MED13L: variants seen among roughly 807,000 people sequenced by gnomAD.
MED13L encodes mediator complex subunit 13L.
MED13L carries 7 observed loss-of-function variants against 220.9 expected under a neutral mutation model. That is an observed-to-expected ratio of 0.03 (90% CI 0.02 to 0.06). The LOEUF (loss-of-function observed/expected upper bound fraction) is 0.06. MED13L is among the 10% of genes least tolerant of loss of function. MED13L has a pLI of 1.00. For synonymous variants in MED13L, 1,011 were observed against 1,015.2 expected, an observed-to-expected ratio of 1.00 and a Z score of 0.08; for missense variants, 1,965 against 2,760.5, an observed-to-expected ratio of 0.71 and a Z score of 6.46.
intron 1 of MED13L, among the ~76,000 whole-genome samples, chr12:116,251,382 G>A (rs1251019596): frequency 8.0e-6 from 1 of 124,678 alleles, no homozygotes; most frequent in Non-Finnish European, 1.6e-5. Context: ...CGATGGTCTC[G>A]ATCTCCTGAC....
intron 2 of MED13L, among the ~76,000 whole-genome samples, chr12:116,222,990 AAGAT>A (rs1373999652): frequency 6.6e-6 from 1 of 152,280 alleles, no homozygotes; most frequent in East Asian, 1.9e-4. Flanking sequence ...TCCAGAGTGA[AAGAT>A]AGAAAGCTCA....
chr12:116,055,727 T>C (rs1391525619), intron 4 of MED13L, among the ~76,000 whole-genome samples: 4 of 152,124 alleles, frequency 2.6e-5, no homozygotes, highest in Admixed American at 2.6e-4. Context: ...AAACCCTGTC[T>C]CTACAAAACT....
At chr12:116,011,621 T>G (rs936869594) in intron 9 of MED13L, among the ~76,000 whole-genome samples, 1 of 152,188 alleles carries the variant, frequency 6.6e-6, no homozygotes, top group Non-Finnish European at 1.5e-5. Context: ...TGTCACACAA[T>G]TCACAAGAGC....
chr12:116,196,640 C>G (rs540132793), intron 2 of MED13L, among the ~76,000 whole-genome samples: 63 of 152,254 alleles, frequency 4.1e-4, no homozygotes, highest in Middle Eastern at 6.8e-3. Context: ...ACAATTTATT[C>G]AATCAGAAGT....
Position 116,244,547 on chromosome 12 carries a change from C to T in MED13L, c.73-6842G>A, listed in dbSNP as rs185728812. Among the ~76,000 whole-genome samples, 384 of 152,232 alleles carry T rather than the reference C, an allele frequency of 2.5e-3. 2 individuals carry two copies. The highest frequency in any genetic ancestry group is 8.7e-3 in the African/African-American group (360 of 41,524). On this transcript the variant is annotated intron_variant, in intron 1 of 30. Transcript: ENST00000281928. ...CTAAACATGAAGAAAGAGATACAAC[C>T]CAATTGACACAGAATCCCCTCAGCC...
intron 4 of MED13L, among the ~76,000 whole-genome samples, chr12:116,046,182 T>C (rs1333029320): frequency 2.0e-5 from 3 of 152,214 alleles, no homozygotes; most frequent in Non-Finnish European, 4.4e-5. Context: ...CTGATATTTG[T>C]GAAACTGGAG....
chr12:116,099,908 C>A (rs374345814), intron 3 of MED13L, among the ~76,000 whole-genome samples: 1 of 152,176 alleles, frequency 6.6e-6, no homozygotes, highest in African/African-American at 2.4e-5. Flanking sequence ...CACAAAACAG[C>A]CATGGAAAAT....
chr12:116,124,191 AGACT>A (rs1220031636), intron 2 of MED13L, among the ~76,000 whole-genome samples: 1 of 152,066 alleles, frequency 6.6e-6, no homozygotes, highest in African/African-American at 2.4e-5. Context: ...AGAGAGACAG[AGACT>A]GACTGACTAC....
At chr12:116,040,665 C>G (rs1033630770) in intron 4 of MED13L, among the ~76,000 whole-genome samples, 7 of 152,064 alleles carry the variant, frequency 4.6e-5, no homozygotes, top group Non-Finnish European at 7.4e-5. Flanking sequence ...GAACTGGAAA[C>G]TACTCAAACT....
At chr12:116,245,744 A>G (rs970420111) in intron 1 of MED13L, among the ~76,000 whole-genome samples, 10 of 123,444 alleles carry the variant, frequency 8.1e-5, no homozygotes, top group Non-Finnish European at 1.4e-4. Flanking sequence ...AAACAAATAA[A>G]CAAAAATGGA....
chr12:116,204,030 A>C (rs1347449840), intron 2 of MED13L, among the ~76,000 whole-genome samples: 1 of 152,218 alleles, frequency 6.6e-6, no homozygotes, highest in Non-Finnish European at 1.5e-5. Flanking sequence ...TGGGACTTTC[A>C]GAAGGCTTCA....
intron 2 of MED13L, among the ~76,000 whole-genome samples, chr12:116,159,875 G>A (rs1206369999): frequency 6.6e-6 from 1 of 150,460 alleles, no homozygotes; most frequent in Non-Finnish European, 1.5e-5. Context: ...GCCACATCCT[G>A]CTATTTCAAA....
chr12:116,048,367 T>A (rs936755665), intron 4 of MED13L, among the ~76,000 whole-genome samples: 2 of 151,956 alleles, frequency 1.3e-5, no homozygotes, highest in African/African-American at 4.8e-5. Flanking sequence ...ACTGCACCTA[T>A]CAGAGCCTGT....
chr12:116,014,960 T>A, intron 8 of MED13L, 149 bp downstream of exon 8: 1 of 790,244 alleles, frequency 1.3e-6, no homozygotes, highest in Non-Finnish European at 2.1e-6. Context: ...TTATTTCAAA[T>A]TTTATTCTAT....
chr12:116,249,196 A>C (rs1871310846), intron 1 of MED13L, among the ~76,000 whole-genome samples: 1 of 152,238 alleles, frequency 6.6e-6, no homozygotes, highest in South Asian at 2.1e-4. Context: ...GCCAGAGAGA[A>C]AAAACACTGT....
intron 2 of MED13L, among the ~76,000 whole-genome samples, chr12:116,189,647 C>G (rs1881137007): frequency 6.6e-6 from 1 of 152,086 alleles, no homozygotes; most frequent in African/African-American, 2.4e-5. Context: ...TTTGAATAAA[C>G]TTTTGCATAA....
intron 14 of MED13L, among the ~76,000 whole-genome samples, chr12:116,001,208 G>GT (rs1878719981): frequency 6.6e-6 from 1 of 152,044 alleles, no homozygotes; most frequent in Admixed American, 6.6e-5. Context: ...TTTTGTTTCT[G>GT]TTTTTTGAGA....
chr12:115,985,372 T>C (rs1449206408), intron 19 of MED13L, among the ~76,000 whole-genome samples: 1 of 152,234 alleles, frequency 6.6e-6, no homozygotes, highest in African/African-American at 2.4e-5. Context: ...CATCTCCTCA[T>C]TTCTTTGTAG....
rs1565869965 is a variant in MED13L, at chr12:116,085,782, AC to A, written c.479+10886del. 3.3e-5 allele frequency among the ~76,000 whole-genome samples: 5 copies of A among 151,854 alleles called. No homozygotes were observed. In the South Asian group the frequency reaches 8.3e-4, roughly 25 times the overall value. On this transcript the variant is annotated intron_variant, in intron 4 of 30. Coordinates refer to ENST00000281928, the MANE Select transcript of MED13L (RefSeq NM_015335.5). Reference sequence around the variant, plus strand: ...CACACACACACACACACACACACACACACACACGACATTAAGAACAGCAGAA... The same window carrying A: ...CACACACACACACACACACACACACAACACACGACATTAAGAACAGCAGAA...
Sources: gnomAD v4.1 joint callset for allele counts (sites outside exome capture counted in the v4.1 genomes callset) on GRCh38, gnomAD v4.1.1 for gene constraint, MANE v1.5 for transcripts, NCBI Gene and HGNC (gene_info 2026-07-23, HGNC 2026-07-21) for gene names.